Variants in PTPRN2 observed in about 807,000 individuals in gnomAD.
The protein encoded by PTPRN2 is protein tyrosine phosphatase receptor type N2.
A neutral mutation model predicts 118.8 loss-of-function variants in PTPRN2; 74 were observed. The observed-to-expected ratio is 0.62, with a 90% CI of 0.52 to 0.76. The LOEUF is 0.76. Ranked by LOEUF, PTPRN2 falls within the 30% of genes least tolerant of loss-of-function variation. PTPRN2 has a pLI of 0.00. For missense variants in PTPRN2, 1,481 were observed against 1,394.4 expected (o/e 1.06, Z -0.99); for synonymous variants, 641 against 608.0 (o/e 1.05, Z -0.80).
intron 3 of PTPRN2, among the ~76,000 whole-genome samples, chr7:158,307,567 T>C (rs1008008180): frequency 6.6e-6 from 1 of 152,126 alleles, no homozygotes; most frequent in Non-Finnish European, 1.5e-5. Context: ...AACATGAATC[T>C]ACATATCTAA....
chr7:158,317,601 C>T (rs1249597007), intron 2 of PTPRN2, among the ~76,000 whole-genome samples: 1 of 152,218 alleles, frequency 6.6e-6, no homozygotes, highest in Non-Finnish European at 1.5e-5. Context: ...GAATTGTTCA[C>T]TTTGAGACAA....
In PTPRN2 at chr7:157,764,947, C is replaced by A. The variant is rs1268372942; in HGVS notation, c.1789-82010G>T. ...TCCATCCATATCCATCCATCCATAT[C>A]CATCCATCCACCCACCCACCCATCC... is the stretch of plus-strand genomic sequence containing the variant. On this transcript the variant is annotated intron_variant, in intron 12 of 22. Coordinates refer to ENST00000389418, the MANE Select transcript of PTPRN2 (RefSeq NM_002847.5). This position sits in a 1 kb window ranked among gnomAD's most constrained non-coding sequence, Gnocchi z 4.5. 2.7e-5 allele frequency among the ~76,000 whole-genome samples: 4 copies of A among 150,068 alleles called. No homozygotes were observed. Among genetic ancestry groups the A allele is most frequent in the African/African-American group, 9.8e-5 (4 of 40,748 alleles).
chr7:158,455,782 C>G (rs1192557505), intron 2 of PTPRN2, among the ~76,000 whole-genome samples: 1 of 149,418 alleles, frequency 6.7e-6, no homozygotes, highest in African/African-American at 2.5e-5. Flanking sequence ...TCGGCCATGG[C>G]CACCCATTAC....
At chr7:158,166,694 T>A (rs1240057255) in intron 6 of PTPRN2, among the ~76,000 whole-genome samples, 1 of 152,078 alleles carries the variant, frequency 6.6e-6, no homozygotes, top group Non-Finnish European at 1.5e-5. Flanking sequence ...ACCTCCCGCC[T>A]CTCACTGGCC....
intron 12 of PTPRN2, among the ~76,000 whole-genome samples, chr7:157,859,990 C>T (rs1307964030): frequency 2.7e-5 from 4 of 149,810 alleles, no homozygotes; most frequent in Non-Finnish European, 5.9e-5. Context: ...CCCCGGCCAC[C>T]ACCCACACTC....
At chr7:158,450,680 G>A (rs557808581) in intron 2 of PTPRN2, among the ~76,000 whole-genome samples, 20 of 152,262 alleles carry the variant, frequency 1.3e-4, no homozygotes, top group African/African-American at 4.6e-4. Context: ...GATGATCCGA[G>A]TCGCCCCGTC....
intron 12 of PTPRN2, among the ~76,000 whole-genome samples, chr7:157,751,183 A>C (rs1471550985): frequency 6.6e-6 from 1 of 152,078 alleles, no homozygotes; most frequent in Non-Finnish European, 1.5e-5. Context: ...CTCGGTTATA[A>C]ATTGCAACTG....
chr7:158,148,957 T>A (rs1820537702), intron 6 of PTPRN2, among the ~76,000 whole-genome samples: 1 of 113,440 alleles, frequency 8.8e-6, no homozygotes, highest in Admixed American at 8.5e-5. Flanking sequence ...GCCACGTGTC[T>A]TTCCCCTTCA....
chr7:158,419,704 T>C (rs1815090995), intron 2 of PTPRN2, among the ~76,000 whole-genome samples: 2 of 152,158 alleles, frequency 1.3e-5, no homozygotes, highest in African/African-American at 4.8e-5. Flanking sequence ...CCTCCAGCAC[T>C]CGGTGTGGCC....
chr7:158,203,140 G>A (rs1014014705), intron 4 of PTPRN2, among the ~76,000 whole-genome samples: 17 of 140,826 alleles, frequency 1.2e-4, no homozygotes, highest in African/African-American at 4.5e-4. Flanking sequence ...GCTGAGGCAA[G>A]AGAATTGCTT....
chr7:158,172,867 C>T (rs1003665240), intron 5 of PTPRN2, among the ~76,000 whole-genome samples: 3 of 145,132 alleles, frequency 2.1e-5, no homozygotes, highest in African/African-American at 8.4e-5. Flanking sequence ...TCCACAGCAC[C>T]ATCCATACCA....
chr7:158,339,811 A>C (rs1175235200), intron 2 of PTPRN2, among the ~76,000 whole-genome samples: 1 of 37,112 alleles, frequency 2.7e-5, no homozygotes, highest in Admixed American at 3.2e-4. Flanking sequence ...GACACCTGCA[A>C]ATGTCACTCA....
At chr7:157,862,543 A>G (rs1336403786) in intron 12 of PTPRN2, 1 of 152,228 alleles carries the variant, frequency 6.6e-6, no homozygotes, top group Non-Finnish European at 1.5e-5. Context: ...CTCTCTTTTT[A>G]GAACAGAAAT....
At chr7:157,775,881 C>A (rs548827495) in intron 12 of PTPRN2, among the ~76,000 whole-genome samples, 4 of 152,076 alleles carry the variant, frequency 2.6e-5, no homozygotes, top group Non-Finnish European at 5.9e-5. Context: ...TGTTCATGAC[C>A]TACAGTAACG....
At chr7:157,895,554 T>A (rs4716800) in intron 12 of PTPRN2, among the ~76,000 whole-genome samples, 2 of 152,126 alleles carry the variant, frequency 1.3e-5, no homozygotes, top group African/African-American at 4.8e-5. Flanking sequence ...TAAATAAAAA[T>A]TTTTTTCTAA....
chr7:157,953,129 G>A lies in PTPRN2; in HGVS notation c.1724-54392C>T, dbSNP rs550036348. Among the ~76,000 whole-genome samples the A allele has an allele frequency of 2.0e-4, 31 of 152,330 alleles. No individual in the cohort carries two copies. Among genetic ancestry groups the A allele is most frequent in the African/African-American group, 7.0e-4 (29 of 41,582 alleles). On this transcript the variant is annotated intron_variant, in intron 11 of 22. Coordinates refer to ENST00000389418, the MANE Select transcript of PTPRN2 (RefSeq NM_002847.5). This position sits in a 1 kb window ranked among gnomAD's most constrained non-coding sequence, Gnocchi z 4.6. ...CGGGGTGAGCCCTCTGGCTCGAGAA[G>A]TCCTCAGCGACATCTGGGGGTCCTG...
chr7:157,592,403 C>T lies in PTPRN2; in HGVS notation c.2496+2835G>A, dbSNP rs141212896. Among the ~76,000 whole-genome samples, 10 of 152,266 alleles carry T rather than the reference C, an allele frequency of 6.6e-5. No homozygotes were observed. In the East Asian group the frequency reaches 9.7e-4, roughly 15 times the overall value. ...CATGTAGGACCCAGCACCTGCTGAA[C>T]GGAGGTTGGATGTGGGCATCATCGT... On this transcript the variant is annotated intron_variant, in intron 17 of 22. Transcript: ENST00000389418.
chr7:158,001,878 C>T (rs1805288731), intron 11 of PTPRN2, among the ~76,000 whole-genome samples: 3 of 152,196 alleles, frequency 2.0e-5, no homozygotes, highest in South Asian at 2.1e-4. Context: ...GGGGTTGCAT[C>T]GTATTTGAGG....
chr7:158,453,643 C>A (rs950295106), intron 2 of PTPRN2, among the ~76,000 whole-genome samples: 2 of 152,182 alleles, frequency 1.3e-5, no homozygotes, highest in Non-Finnish European at 2.9e-5. Context: ...GGATCTGTTG[C>A]TTCTTATTTT....
Sources: gnomAD v4.1 joint callset for allele counts (sites outside exome capture counted in the v4.1 genomes callset) on GRCh38, gnomAD v4.1.1 for gene constraint, Gnocchi (gnomAD v3.1) non-coding constraint, MANE v1.5 for transcripts, NCBI Gene and HGNC (gene_info 2026-07-23, HGNC 2026-07-21) for gene names.